GRB2: variants seen among roughly 807,000 people sequenced by gnomAD.
GRB2 encodes growth factor receptor-bound protein 2.
A neutral mutation model predicts 27.4 loss-of-function variants in GRB2; 2 were observed. That is an observed-to-expected ratio of 0.07 (90% CI 0.03 to 0.23). The LOEUF is 0.23. Ranked by LOEUF, GRB2 falls within the 10% of genes least tolerant of loss-of-function variation. The probability of loss-of-function intolerance (pLI) is 1.00; values close to 1 mark genes in which losing one functional copy is unlikely to be tolerated. For missense variants in GRB2, 102 were observed against 282.4 expected, an observed-to-expected ratio of 0.36 and a Z score of 4.58; for synonymous variants, 94 against 99.6, an observed-to-expected ratio of 0.94 and a Z score of 0.33.
At chr17:75,323,770 C>T (rs1208852865) in intron 4 of GRB2, among the ~76,000 whole-genome samples, 1 of 151,784 alleles carries the variant, frequency 6.6e-6, no homozygotes. Context: ...CAGTATAAAA[C>T]TAAAGAAAGA....
At chr17:75,402,476 T>C (rs1236395624) in intron 1 of GRB2, among the ~76,000 whole-genome samples, 1 of 152,234 alleles carries the variant, frequency 6.6e-6, no homozygotes, top group African/African-American at 2.4e-5. Flanking sequence ...ACTTTGTGTA[T>C]ACACAGAAAA....
At chr17:75,338,607 C>T (rs1275766848) in intron 2 of GRB2, among the ~76,000 whole-genome samples, 3 of 152,118 alleles carry the variant, frequency 2.0e-5, no homozygotes, top group African/African-American at 7.2e-5. Flanking sequence ...TTTGGTTTAA[C>T]GGAAGCAGAT....
intron 2 of GRB2, among the ~76,000 whole-genome samples, chr17:75,376,452 T>C (rs1477076407): frequency 7.3e-6 from 1 of 137,454 alleles, no homozygotes; most frequent in African/African-American, 2.7e-5. Flanking sequence ...ATGCGGGAGG[T>C]GGAGGCTGCA....
intron 2 of GRB2, among the ~76,000 whole-genome samples, chr17:75,383,778 G>T (rs1276281591): frequency 1.3e-5 from 2 of 152,078 alleles, no homozygotes; most frequent in Non-Finnish European, 2.9e-5. Context: ...GGAGGCAGAG[G>T]TTGCAGTCAG....
At chr17:75,362,220 A>G (rs1005389230) in intron 2 of GRB2, among the ~76,000 whole-genome samples, 1 of 152,202 alleles carries the variant, frequency 6.6e-6, no homozygotes, top group Non-Finnish European at 1.5e-5. Flanking sequence ...CCCATATCTC[A>G]GTCTTTTTAT....
intron 2 of GRB2, among the ~76,000 whole-genome samples, chr17:75,349,779 CAA>C (rs937190982): frequency 1.4e-4 from 22 of 152,122 alleles, no homozygotes; most frequent in Admixed American, 1.2e-3. Context: ...CTCAGCCTCC[CAA>C]AATTTGTAAT....
intron 2 of GRB2, among the ~76,000 whole-genome samples, chr17:75,367,733 T>A (rs1208553645): frequency 6.6e-6 from 1 of 152,240 alleles, no homozygotes; most frequent in Non-Finnish European, 1.5e-5. Flanking sequence ...TTTCTCCAAT[T>A]AGATAATTCC....
chr17:75,336,417 T>A (rs2078577186), intron 2 of GRB2, among the ~76,000 whole-genome samples: 2 of 152,206 alleles, frequency 1.3e-5, no homozygotes, highest in Non-Finnish European at 1.5e-5. Flanking sequence ...AACCTATTTG[T>A]GCATCAAAAC....
intron 4 of GRB2, among the ~76,000 whole-genome samples, chr17:75,325,590 A>G (rs968976486): frequency 5.9e-5 from 9 of 152,144 alleles, no homozygotes; most frequent in Non-Finnish European, 1.3e-4. Context: ...CATTAGAGAG[A>G]GCTGCGGGAA....
At chr17:75,395,423 T>C (rs894128461) in intron 1 of GRB2, among the ~76,000 whole-genome samples, 1 of 152,198 alleles carries the variant, frequency 6.6e-6, no homozygotes, top group Admixed American at 6.5e-5. Flanking sequence ...TATTTATACT[T>C]GTGTATCCTT....
intron 2 of GRB2, among the ~76,000 whole-genome samples, chr17:75,375,966 A>G (rs1044237876): frequency 9.0e-5 from 13 of 145,040 alleles, no homozygotes; most frequent in Non-Finnish European, 1.9e-4. Flanking sequence ...CAGAGGTTGC[A>G]GTGAGCCAAG....
chr17:75,323,338 G>A (rs893483224), intron 4 of GRB2, among the ~76,000 whole-genome samples: 4 of 152,082 alleles, frequency 2.6e-5, no homozygotes, highest in African/African-American at 9.7e-5. Flanking sequence ...AATGTGGAAG[G>A]TGAGAAAGCT....
chr17:75,377,140 A>T (rs2078899275), intron 2 of GRB2, among the ~76,000 whole-genome samples: 1 of 152,004 alleles, frequency 6.6e-6, no homozygotes, highest in Admixed American at 6.6e-5. Context: ...CCGCTACAAA[A>T]AAAAAATATT....
intron 3 of GRB2, among the ~76,000 whole-genome samples, chr17:75,328,986 G>A (rs1037123018): frequency 4.7e-5 from 7 of 149,604 alleles, no homozygotes; most frequent in Non-Finnish European, 1.0e-4. Flanking sequence ...GACACTTAAC[G>A]GTATTGAGAC....
At chr17:75,381,720 CAAA>C (rs373432382) in intron 2 of GRB2, among the ~76,000 whole-genome samples, 1 of 98,352 alleles carries the variant, frequency 1.0e-5, no homozygotes, top group Non-Finnish European at 1.9e-5. Context: ...GACTCCGTCT[CAAA>C]AAAAAAAAAA....
At chr17:75,370,521 G>A (rs892768) in intron 2 of GRB2, among the ~76,000 whole-genome samples, 151,233 of 152,332 alleles carry the variant, frequency 0.99, 75,085 homozygotes, top group Middle Eastern at 1. Flanking sequence ...GTCAGAACGC[G>A]TCCCTGGAAA....
At position 75,397,246 on chromosome 17, in the gene GRB2, C is replaced by CAA. The variant is rs765820939; in HGVS notation, c.-137-3483_-137-3482dup. On this transcript the variant is annotated intron_variant, in intron 1 of 5. Transcript: ENST00000316804. ...TCCAAAGGGTGTGTTTCAGTAAAGA[C>CAA]AAAAAAAAATCTAACACATACACAA... is the stretch of plus-strand genomic sequence containing the variant. Among the ~76,000 whole-genome samples the CAA allele has an allele frequency of 4.9e-4, 74 of 150,518 alleles. 1 individual carries two copies. The highest frequency in any genetic ancestry group is 1.7e-3 in the African/African-American group (71 of 41,016).
chr17:75,318,962 ACAACC>A lies in GRB2; in HGVS notation c.*1401_*1405del, dbSNP rs2078436239. The A allele has an allele frequency of 1.3e-5, 2 of 152,238 alleles. No homozygotes were observed. The highest frequency in any genetic ancestry group is 4.8e-5 in the African/African-American group (2 of 41,302). The allele number at this position is 152,238 out of a possible 1,614,324, so 9.4% of individuals were successfully genotyped here. A position where few individuals can be genotyped will look rare whatever the true frequency, so the allele number is the denominator to read the frequency against. ...TGCATATAGGGAGGGGGCGGGGGCC[ACAACC>A]CCCGAGACGGTGAGGACAGGCTTCC... On this transcript the variant is annotated 3_prime_UTR_variant, in exon 6 of 6. Transcript: ENST00000316804.
chr17:75,343,866 A>G (rs776176076), intron 2 of GRB2, among the ~76,000 whole-genome samples: 24 of 152,188 alleles, frequency 1.6e-4, no homozygotes, highest in Non-Finnish European at 2.9e-4. Context: ...GGAAGAGACC[A>G]ACACAGAGAT....
Sources: gnomAD v4.1 joint callset for allele counts (sites outside exome capture counted in the v4.1 genomes callset) on GRCh38, gnomAD v4.1.1 for gene constraint, MANE v1.5 for transcripts, NCBI Gene and HGNC (gene_info 2026-07-23, HGNC 2026-07-21) for gene names.